DIAPH2: variants seen among roughly 807,000 people sequenced by gnomAD.
DIAPH2 encodes the protein protein diaphanous homolog 2.
Under a neutral mutation model 92.7 loss-of-function variants are expected in DIAPH2, and 35 were observed. The ratio of observed to expected loss-of-function variants is 0.38; its 90% confidence interval spans 0.29 to 0.50. The LOEUF (loss-of-function observed/expected upper bound fraction) is 0.50, where lower values mean the gene tolerates loss of function less well. Ranked by LOEUF, DIAPH2 falls within the 20% of genes least tolerant of loss-of-function variation. The pLI is 0.94. For missense variants in DIAPH2, 701 were observed against 819.5 expected (o/e 0.86, Z 1.77); for synonymous variants, 301 against 280.4 (o/e 1.07, Z -0.73).
At chrX:97,269,000 G>A (rs1421586493) in intron 23 of DIAPH2, among the ~76,000 whole-genome samples, 1 of 109,185 alleles carries the variant, frequency 9.2e-6, no homozygotes, top group African/African-American at 3.3e-5. Flanking sequence ...GGGATTACGG[G>A]CACTCACCAC....
intron 24 of DIAPH2, among the ~76,000 whole-genome samples, chrX:97,357,776 AGTG>A (rs766968164): frequency 8.9e-6 from 1 of 112,160 alleles, no homozygotes; most frequent in Non-Finnish European, 1.9e-5. Flanking sequence ...TGGGAAAGGC[AGTG>A]AAAGAACAAA....
chrX:97,188,643 A>G (rs1170124562), intron 22 of DIAPH2, among the ~76,000 whole-genome samples: 1 of 112,389 alleles, frequency 8.9e-6, no homozygotes, highest in Admixed American at 9.5e-5. Context: ...ATAGGAATGA[A>G]TTTGAGTTCT....
At chrX:96,757,100 G>A (rs1329385529) in intron 3 of DIAPH2, among the ~76,000 whole-genome samples, 3 of 108,464 alleles carry the variant, frequency 2.8e-5, no homozygotes, top group African/African-American at 3.4e-5. Context: ...TGTATTTTTA[G>A]TAGAGATGGG....
chrX:97,600,728 G>GTA lies in DIAPH2; in HGVS notation c.*1415_*1416dup, dbSNP rs1236428079. The GTA allele has an allele frequency of 1.0e-4, 10 of 98,171 alleles. No homozygotes were observed. Among genetic ancestry groups the GTA allele is most frequent in the African/African-American group, 3.8e-4 (10 of 26,010 alleles). 8.1% of individuals were successfully genotyped at this position (98,171 alleles called of 1,213,427 possible). ...GATTATTGTAAGAAATTTCTTACAT[G>GTA]TATATTTCTTATGTAGAAAATACTG... On this transcript the variant is annotated 3_prime_UTR_variant, in exon 27 of 27. Coordinates refer to ENST00000324765, the MANE Select transcript of DIAPH2 (RefSeq NM_006729.5).
At chrX:97,322,816 A>G (rs2018848048) in intron 23 of DIAPH2, among the ~76,000 whole-genome samples, 1 of 111,029 alleles carries the variant, frequency 9.0e-6, no homozygotes, top group Non-Finnish European at 1.9e-5. Flanking sequence ...GATCTTTTGC[A>G]ACTCTAGTAT....
At chrX:96,743,484 A>G (rs1281823096) in intron 3 of DIAPH2, among the ~76,000 whole-genome samples, 2 of 111,976 alleles carry the variant, frequency 1.8e-5, no homozygotes, top group African/African-American at 3.2e-5. Flanking sequence ...CATCCTGGTC[A>G]ACAGTTGTTA....
chrX:97,204,868 A>G (rs2067782932), intron 22 of DIAPH2, among the ~76,000 whole-genome samples: 1 of 111,868 alleles, frequency 8.9e-6, no homozygotes, highest in African/African-American at 3.3e-5. Context: ...TAGCCAAGAC[A>G]ATCCTGAGCA....
intron 20 of DIAPH2, among the ~76,000 whole-genome samples, chrX:97,101,539 A>G (rs1395287469): frequency 1.8e-5 from 2 of 111,492 alleles, no homozygotes; most frequent in Non-Finnish European, 3.8e-5. Flanking sequence ...AAAGTCAAGG[A>G]CATTACAAAC....
intron 25 of DIAPH2, among the ~76,000 whole-genome samples, chrX:97,414,604 A>AGATCAC (rs1313546597): frequency 1.9e-5 from 2 of 104,631 alleles, no homozygotes; most frequent in Non-Finnish European, 3.9e-5. Context: ...AGTGAGTGGG[A>AGATCAC]GATCACGCCA....
chrX:97,306,477 A>G (rs1333414429), intron 23 of DIAPH2, among the ~76,000 whole-genome samples: 1 of 111,744 alleles, frequency 8.9e-6, no homozygotes, highest in African/African-American at 3.2e-5. Context: ...ATTACCATTC[A>G]GGAAGAATTT....
At chrX:97,072,419 T>C (rs997182435) in intron 17 of DIAPH2, among the ~76,000 whole-genome samples, 2 of 112,654 alleles carry the variant, frequency 1.8e-5, no homozygotes, top group African/African-American at 6.4e-5. Flanking sequence ...ATGCAAATGG[T>C]GCTACTGTTG....
chrX:97,397,141 A>G (rs1184945593), intron 25 of DIAPH2, among the ~76,000 whole-genome samples: 3 of 111,768 alleles, frequency 2.7e-5, no homozygotes, highest in Non-Finnish European at 5.6e-5. Context: ...CTTTGTCACA[A>G]TGGTATTAGG....
intron 26 of DIAPH2, among the ~76,000 whole-genome samples, chrX:97,485,548 A>G (rs1164911915): frequency 8.9e-6 from 1 of 112,974 alleles, no homozygotes; most frequent in Admixed American, 9.3e-5. Flanking sequence ...CTCATTTTCC[A>G]AGGAAGTCCA....
intron 26 of DIAPH2, among the ~76,000 whole-genome samples, chrX:97,468,682 A>G (rs896820442): frequency 1.8e-5 from 2 of 110,836 alleles, no homozygotes; most frequent in East Asian, 5.6e-4. Context: ...AAGGAAGCCA[A>G]GAAGGTTTGG....
intron 17 of DIAPH2, among the ~76,000 whole-genome samples, chrX:96,970,872 A>G (rs2065923608): frequency 9.0e-6 from 1 of 111,334 alleles, no homozygotes; most frequent in African/African-American, 3.3e-5. Context: ...GTAGGCCTAT[A>G]GTGCTATTAA....
At chrX:96,919,862 G>T (rs1336122269) in intron 9 of DIAPH2, among the ~76,000 whole-genome samples, 1 of 88,075 alleles carries the variant, frequency 1.1e-5, no homozygotes, top group Non-Finnish European at 2.3e-5. Context: ...TATGTCAAAT[G>T]TATTATTTAT....
intron 26 of DIAPH2, among the ~76,000 whole-genome samples, chrX:97,448,107 G>T (rs947500287): frequency 1.8e-5 from 2 of 111,926 alleles, no homozygotes; most frequent in Non-Finnish European, 3.8e-5. Context: ...CATCTAATTT[G>T]AATCTTTTGT....
At chrX:97,377,701 T>C (rs959503261) in intron 24 of DIAPH2, among the ~76,000 whole-genome samples, 5 of 111,698 alleles carry the variant, frequency 4.5e-5, no homozygotes, top group Non-Finnish European at 9.4e-5. Flanking sequence ...TGATATGCTG[T>C]TTTACTTAGA....
At chrX:96,694,584 G>A (rs558599742) in intron 1 of DIAPH2, among the ~76,000 whole-genome samples, 15 of 111,505 alleles carry the variant, frequency 1.3e-4, no homozygotes, top group African/African-American at 3.3e-4. Context: ...CAAGTGATCC[G>A]CCCTCCTGGG....
Sources: allele counts gnomAD v4.1 joint callset (sites outside exome capture counted in the v4.1 genomes callset), GRCh38; gene constraint gnomAD v4.1.1; transcripts MANE v1.5; gene names NCBI Gene and HGNC (gene_info 2026-07-23, HGNC 2026-07-21).